Variants in PDE1C observed in about 807,000 individuals in gnomAD.
The protein encoded by PDE1C is phosphodiesterase 1C.
Under a neutral mutation model 93.1 loss-of-function variants are expected in PDE1C, and 62 were observed. The ratio of observed to expected loss-of-function variants is 0.67; its 90% CI spans 0.54 to 0.82. The LOEUF (loss-of-function observed/expected upper bound fraction) is 0.82. PDE1C is among the 40% of genes least tolerant of loss of function. The pLI is 0.00. For synonymous variants in PDE1C, 325 were observed against 310.1 expected (o/e 1.05, Z -0.50); for missense variants, 742 against 884.6 (o/e 0.84, Z 2.04).
At chr7:31,971,163 TAGAG>T (rs1235309947) in intron 2 of PDE1C, among the ~76,000 whole-genome samples, 3 of 151,850 alleles carry the variant, frequency 2.0e-5, no homozygotes, top group African/African-American at 2.4e-5. Flanking sequence ...AAAATAAAAA[TAGAG>T]AAAGATGACA....
intron 3 of PDE1C, among the ~76,000 whole-genome samples, chr7:32,153,201 T>G (rs551483700): frequency 2.2e-4 from 33 of 152,278 alleles, no homozygotes; most frequent in African/African-American, 7.7e-4. Flanking sequence ...TTGAATTGGC[T>G]TTTGGAAAAA....
the PDE1C span, among the ~76,000 whole-genome samples, chr7:31,627,298 A>T: frequency 6.6e-6 from 1 of 152,212 alleles, no homozygotes; most frequent in Admixed American, 6.5e-5. Flanking sequence ...ATCAGTAAAA[A>T]GTAATATTGG....
intron 7 of PDE1C, among the ~76,000 whole-genome samples, chr7:31,862,931 T>C (rs749873425): frequency 6.6e-6 from 1 of 152,208 alleles, no homozygotes; most frequent in African/African-American, 2.4e-5. Context: ...CCTATTAGAT[T>C]GTTCTTTTAC....
intron 15 of PDE1C, among the ~76,000 whole-genome samples, chr7:31,815,513 G>A (rs1233510916): frequency 6.6e-6 from 1 of 152,116 alleles, no homozygotes; most frequent in South Asian, 2.1e-4. Context: ...CAGATATACA[G>A]ATATCTATTA....
At chr7:31,810,690 C>T (rs1377649776) in intron 15 of PDE1C, among the ~76,000 whole-genome samples, 1 of 152,036 alleles carries the variant, frequency 6.6e-6, no homozygotes, top group Non-Finnish European at 1.5e-5. Flanking sequence ...TTTCATACCC[C>T]ACCCTGAACT....
exon 1 of PDE1C, chr7:32,298,957 C>T: frequency 7.7e-7 from 1 of 1,306,914 alleles, no homozygotes; most frequent in Non-Finnish European, 9.7e-7. Flanking sequence ...AGGCAGGAGC[C>T]GTCGCGACTG....
At chr7:32,023,869 T>C (rs778169331) in intron 2 of PDE1C, among the ~76,000 whole-genome samples, 8 of 152,042 alleles carry the variant, frequency 5.3e-5, no homozygotes, top group African/African-American at 9.7e-5. Context: ...TGTGACAAAA[T>C]TGTCACAAAT....
intron 7 of PDE1C, among the ~76,000 whole-genome samples, chr7:31,858,297 G>A (rs1794267822): frequency 6.6e-6 from 1 of 152,114 alleles, no homozygotes; most frequent in African/African-American, 2.4e-5. Flanking sequence ...GTGATGAGCA[G>A]AGTTTCTGAG....
At chr7:32,170,569 T>C (rs1802581881) in intron 2 of PDE1C, among the ~76,000 whole-genome samples, 1 of 152,176 alleles carries the variant, frequency 6.6e-6, no homozygotes, top group Admixed American at 6.5e-5. Flanking sequence ...GAAGTTGTGT[T>C]GATAGTGTGT....
intron 2 of PDE1C, among the ~76,000 whole-genome samples, chr7:32,183,548 G>A (rs1803598108): frequency 6.6e-6 from 1 of 152,106 alleles, no homozygotes; most frequent in Non-Finnish European, 1.5e-5. Context: ...CAAGAAATGG[G>A]GAAAGGATTC....
rs188508927 is a variant in PDE1C at position 32,217,559 on chromosome 7, G to A, written c.86-8020C>T. Among the ~76,000 whole-genome samples, 9 of 152,318 alleles carry A rather than the reference G, an allele frequency of 5.9e-5. No homozygotes were observed. The South Asian group carries it at 8.3e-4, about 14-fold the overall frequency. ...GCATATCTCTGGCGATGGCTGAATC[G>A]TGTGCTGTGTTGAGAAGTCTTCTGA... is the stretch of plus-strand genomic sequence containing the variant. On this transcript the variant is annotated intron_variant, in intron 1 of 18. Transcript: ENST00000396193.
At chr7:32,348,396 G>A (rs374326363) in intron 1 of PDE1C, among the ~76,000 whole-genome samples, 18 of 111,030 alleles carry the variant, frequency 1.6e-4, no homozygotes, top group South Asian at 3.1e-4. Flanking sequence ...ATGGGGTCTC[G>A]CTCTGTCACC....
the PDE1C span, among the ~76,000 whole-genome samples, chr7:31,734,647 G>C: frequency 6.6e-6 from 1 of 152,082 alleles, no homozygotes; most frequent in African/African-American, 2.4e-5. Flanking sequence ...TCGTGCCCAA[G>C]AGCAATTATC....
At chr7:32,398,167 G>T (rs1784872289) in intron 1 of PDE1C, among the ~76,000 whole-genome samples, 1 of 150,348 alleles carries the variant, frequency 6.7e-6, no homozygotes. Context: ...AAAAAAATTA[G>T]CCAAGCATGA....
At chr7:32,366,789 G>A (rs892149493) in intron 1 of PDE1C, among the ~76,000 whole-genome samples, 6 of 151,860 alleles carry the variant, frequency 4.0e-5, no homozygotes, top group African/African-American at 1.5e-4. Context: ...AGAAAAGGCT[G>A]CCGGTCAGGC....
chr7:31,992,168 G>T (rs1006947064), intron 2 of PDE1C, among the ~76,000 whole-genome samples: 1 of 152,208 alleles, frequency 6.6e-6, no homozygotes, highest in Admixed American at 6.5e-5. Context: ...CTGAGGCTGT[G>T]GTTTCACAAG....
intron 1 of PDE1C, among the ~76,000 whole-genome samples, chr7:32,217,823 A>G (rs1472060926): frequency 6.6e-6 from 1 of 152,250 alleles, no homozygotes; most frequent in Non-Finnish European, 1.5e-5. Flanking sequence ...ATATAATACA[A>G]TAACTTCATA....
At chr7:31,893,169 T>C (rs984979087) in intron 2 of PDE1C, among the ~76,000 whole-genome samples, 1 of 152,158 alleles carries the variant, frequency 6.6e-6, no homozygotes, top group African/African-American at 2.4e-5. Flanking sequence ...CAAGTTGGGG[T>C]GTGAAAACAC....
the PDE1C span, among the ~76,000 whole-genome samples, chr7:31,620,226 G>A: frequency 2.0e-5 from 3 of 152,094 alleles, no homozygotes; most frequent in African/African-American, 4.8e-5. Flanking sequence ...AGACTTAAAT[G>A]TCCCTGTCTG....
Sources: gnomAD v4.1 joint callset for allele counts (sites outside exome capture counted in the v4.1 genomes callset) on GRCh38, gnomAD v4.1.1 for gene constraint, MANE v1.5 for transcripts, NCBI Gene and HGNC (gene_info 2026-07-23, HGNC 2026-07-21) for gene names.